The following MMP26 variants were observed in gnomAD, a reference collection of about 807,000 sequenced individuals.
MMP26 encodes matrix metalloproteinase-26.
In MMP26, 33 loss-of-function variants were observed where a neutral mutation model predicts 31.0. The ratio of observed to expected loss-of-function variants is 1.06; its 90% CI spans 0.81 to 1.42. MMP26 has a LOEUF of 1.42. MMP26 is among the 40% of genes most tolerant of loss of function. The probability of loss-of-function intolerance (pLI) is 0.00; values close to 1 mark genes in which losing one functional copy is unlikely to be tolerated. For synonymous variants in MMP26, 122 were observed against 114.9 expected, an observed-to-expected ratio of 1.06 and a Z score of -0.40; for missense variants, 347 against 316.1, an observed-to-expected ratio of 1.10 and a Z score of -0.74.
chr11:4,820,658 G>A (rs1031814649), intron 2 of MMP26, among the ~76,000 whole-genome samples: 11 of 150,720 alleles, frequency 7.3e-5, no homozygotes, highest in Non-Finnish European at 1.2e-4. Flanking sequence ...CTCTGTCATC[G>A]TTGTCTCTCT....
chr11:4,876,710 A>G (rs567553697), intron 2 of MMP26: 10 of 149,012 alleles, frequency 6.7e-5, no homozygotes, highest in Admixed American at 6.1e-4. Flanking sequence ...CCTTGTTGTC[A>G]TCAAAGTTGA....
intron 2 of MMP26, among the ~76,000 whole-genome samples, chr11:4,861,154 A>G (rs932093388): frequency 6.7e-6 from 1 of 149,892 alleles, no homozygotes; most frequent in African/African-American, 2.4e-5. Flanking sequence ...GTTTCCAAGT[A>G]TATACATATA....
At chr11:4,956,558 T>C (rs1463384755) in intron 2 of MMP26, among the ~76,000 whole-genome samples, 1 of 152,180 alleles carries the variant, frequency 6.6e-6, no homozygotes, top group Non-Finnish European at 1.5e-5. Flanking sequence ...CTTGTGTATT[T>C]CTCCTCTGCA....
At chr11:4,803,662 G>A in intron 2 of MMP26, 1 of 1,613,920 alleles carries the variant, frequency 6.2e-7, no homozygotes, top group Non-Finnish European at 8.5e-7. Context: ...TGTGCTAAAA[G>A]CTTTGAGGCG....
chr11:4,803,506 G>A lies in MMP26; in HGVS notation c.-145+36165G>A, dbSNP rs747495177. The A allele has an allele frequency of 2.5e-6, 4 of 1,613,952 alleles. No homozygotes were observed. The South Asian group carries it at 3.3e-5, about 13-fold the overall frequency. The stretch of plus-strand genomic sequence containing the variant: ...TTTGGTTCTAACTCCATAAATGATG[G>A]GGTTGAGCATGGGAGGTATCAGTAG... On this transcript the variant is annotated intron_variant, in intron 2 of 7. Coordinates refer to ENST00000380390, the MANE Select transcript of MMP26 (RefSeq NM_021801.5).
At chr11:4,934,312 C>A (rs1006967364) in intron 2 of MMP26, among the ~76,000 whole-genome samples, 7 of 148,280 alleles carry the variant, frequency 4.7e-5, no homozygotes, top group African/African-American at 1.5e-4. Context: ...ATTTGAATTT[C>A]TCTGATGGCC....
At chr11:4,707,918 G>A (rs761408240) in intron 1 of MMP26, among the ~76,000 whole-genome samples, 105 of 152,130 alleles carry the variant, frequency 6.9e-4, no homozygotes, top group Non-Finnish European at 1.4e-3. Flanking sequence ...TAGTGGCCAT[G>A]TCTCCTCAGT....
Position 4,769,908 on chromosome 11 carries a change from G to C in MMP26, c.-145+2567G>C, listed in dbSNP as rs770586349. The C allele has an allele frequency of 1.0e-5, 16 of 1,588,040 alleles. No homozygotes were observed. Among genetic ancestry groups the C allele is most frequent in the Admixed American group, 1.0e-4 (6 of 59,844 alleles). On this transcript the variant is annotated intron_variant, in intron 2 of 7. Transcript: ENST00000380390. ...GGAAATTTAGATGTTGAGTTGCTTA[G>C]GATTTCCATGGTGTCCTGGTTTTGC...
At chr11:4,878,578 A>G (rs1415381978) in intron 2 of MMP26, among the ~76,000 whole-genome samples, 1 of 152,148 alleles carries the variant, frequency 6.6e-6, no homozygotes, top group Non-Finnish European at 1.5e-5. Flanking sequence ...TATACTCCAT[A>G]TGAACAGGGA....
chr11:4,764,744 G>A (rs924553663), intron 1 of MMP26, among the ~76,000 whole-genome samples: 3 of 152,010 alleles, frequency 2.0e-5, no homozygotes, highest in Non-Finnish European at 2.9e-5. Context: ...GCGGTGGCGG[G>A]CGCCTGTAGT....
chr11:4,944,312 C>G (rs1220402841), intron 2 of MMP26: 1 of 174,482 alleles, frequency 5.7e-6, no homozygotes, highest in Non-Finnish European at 1.2e-5. Flanking sequence ...TTGACTTCCT[C>G]TCTGTGTGAA....
At chr11:4,720,212 G>T (rs1393838019) in intron 1 of MMP26, among the ~76,000 whole-genome samples, 1 of 152,186 alleles carries the variant, frequency 6.6e-6, no homozygotes, top group Non-Finnish European at 1.5e-5. Flanking sequence ...TAAGCATTCT[G>T]TGAAATACAA....
intron 2 of MMP26, chr11:4,913,551 T>C (rs997869383): frequency 6.6e-6 from 1 of 152,186 alleles, no homozygotes; most frequent in Non-Finnish European, 1.5e-5. Context: ...ATAACTTTTA[T>C]CTAGAATGTC....
At chr11:4,987,582 C>A (rs959628593) in intron 2 of MMP26, among the ~76,000 whole-genome samples, 1 of 151,996 alleles carries the variant, frequency 6.6e-6, no homozygotes, top group Non-Finnish European at 1.5e-5. Flanking sequence ...CCACACCCGG[C>A]TAATTTTGTG....
chr11:4,821,351 A>T, intron 2 of MMP26: 1 of 1,513,912 alleles, frequency 6.6e-7, no homozygotes, highest in Non-Finnish European at 9.1e-7. Flanking sequence ...GAGAGATGTT[A>T]CAAGTGATAA....
intron 2 of MMP26, among the ~76,000 whole-genome samples, chr11:4,933,659 G>C (rs955558616): frequency 6.6e-6 from 1 of 151,014 alleles, no homozygotes; most frequent in African/African-American, 2.4e-5. Context: ...TGCCGTGCTG[G>C]TGCGCTGCAC....
chr11:4,858,413 G>A (rs1432917998), intron 2 of MMP26, among the ~76,000 whole-genome samples: 15 of 152,108 alleles, frequency 9.9e-5, no homozygotes, highest in Admixed American at 8.5e-4. Context: ...AAAATCACAA[G>A]CATTCCTATA....
At chr11:4,907,190 C>T in intron 2 of MMP26, 2 of 474,964 alleles carry the variant, frequency 4.2e-6, no homozygotes, top group Non-Finnish European at 7.5e-6. Context: ...AGAATATGAA[C>T]TTGTTTAAGG....
intron 2 of MMP26, among the ~76,000 whole-genome samples, chr11:4,779,607 C>A (rs575453646): frequency 6.6e-6 from 1 of 152,168 alleles, no homozygotes; most frequent in East Asian, 1.9e-4. Context: ...CTAGCAAACA[C>A]CTCTGAAGCT....
Sources: allele counts gnomAD v4.1 joint callset (sites outside exome capture counted in the v4.1 genomes callset), GRCh38; gene constraint gnomAD v4.1.1; transcripts MANE v1.5; gene names NCBI Gene and HGNC (gene_info 2026-07-23, HGNC 2026-07-21).